CCDC158: variants seen among roughly 807,000 people sequenced by gnomAD.
CCDC158 encodes the protein coiled-coil domain containing 158.
A neutral mutation model predicts 138.6 loss-of-function variants in CCDC158; 116 were observed. The observed-to-expected ratio is 0.84, with a 90% CI of 0.72 to 0.98. CCDC158 has a LOEUF of 0.98. Ranked by LOEUF, CCDC158 falls within the 50% of genes least tolerant of loss-of-function variation. CCDC158 has a pLI of 0.00. For missense variants in CCDC158, 1,265 were observed against 1,306.1 expected (o/e 0.97, Z 0.48); for synonymous variants, 436 against 442.4 (o/e 0.99, Z 0.18).
intron 2 of CCDC158, 118 bp from the exon 3 acceptor site, chr4:76,403,398 ATAAT>A (rs570707368): frequency 6.3e-5 from 27 of 428,516 alleles, no homozygotes; most frequent in Non-Finnish European, 1.0e-4. Flanking sequence ...CTCCAGAAAA[ATAAT>A]TATTTATACA....
intron 3 of CCDC158, among the ~76,000 whole-genome samples, chr4:76,399,818 T>C (rs1029740135): frequency 2.0e-5 from 3 of 152,152 alleles, no homozygotes; most frequent in Non-Finnish European, 2.9e-5. Flanking sequence ...AGGCTGAAGA[T>C]ATGAATGAGC....
At chr4:76,416,313 G>A (rs554632898) in intron 1 of CCDC158, among the ~76,000 whole-genome samples, 8 of 152,166 alleles carry the variant, frequency 5.3e-5, no homozygotes, top group South Asian at 2.1e-4. Context: ...GGCCACTACC[G>A]GTCTCCGCGT....
At chr4:76,316,986 T>TTTTTTTTTTTTTTTTTTTTTGAGACG (rs1560774164) in intron 24 of CCDC158, among the ~76,000 whole-genome samples, 1 of 149,922 alleles carries the variant, frequency 6.7e-6, no homozygotes, top group African/African-American at 2.5e-5. Context: ...TTCTAAATCT[T>TTTTTTTTTTTTTTTTTTTTTGAGACG]GAAATAAAAC....
At chr4:76,345,291 A>C in intron 18 of CCDC158, 1 of 1,003,208 alleles carries the variant, frequency 1.0e-6, no homozygotes, top group Non-Finnish European at 1.6e-6. Context: ...CGAAGCTGCT[A>C]AGGATCTCTT....
chr4:76,410,633 C>T (rs28662906), intron 2 of CCDC158, among the ~76,000 whole-genome samples: 4,450 of 152,288 alleles, frequency 0.029, 212 homozygotes, highest in African/African-American at 0.1. Flanking sequence ...AACTGATCTA[C>T]ATTCTTCTAG....
chr4:76,346,910 C>T (rs1722604419), intron 18 of CCDC158, among the ~76,000 whole-genome samples: 1 of 151,968 alleles, frequency 6.6e-6, no homozygotes, highest in South Asian at 2.1e-4. Context: ...ATTTATGAGG[C>T]CAACCAACAT....
Position 76,371,324 on chromosome 4 carries a change from T to A in CCDC158, c.1149+93A>T, listed in dbSNP as rs1395511568. On this transcript the variant is annotated intron_variant, in intron 10 of 24. Coordinates refer to ENST00000682701, the MANE Select transcript of CCDC158 (RefSeq NM_001394954.1). ...ATGTATGCACAAATATTTTGTAAAT[T>A]TGTAATTTTATAAAGGAAACGAGTT... 8 of 1,264,580 alleles carry A rather than the reference T, an allele frequency of 6.3e-6. No individual in the cohort carries two copies. In the Admixed American group the frequency reaches 1.8e-4, roughly 28 times the overall value. The allele number at this position is 1,264,580 out of a possible 1,614,324, so 78.3% of individuals were successfully genotyped here.
chr4:76,421,228 G>A (rs1185182810), upstream of CCDC158, among the ~76,000 whole-genome samples: 1 of 152,094 alleles, frequency 6.6e-6, no homozygotes, highest in Non-Finnish European at 1.5e-5. Context: ...AGGACGCTCT[G>A]CGAGGCTTCG....
intron 4 of CCDC158, among the ~76,000 whole-genome samples, chr4:76,395,506 G>A (rs1218923792): frequency 6.6e-6 from 1 of 152,168 alleles, no homozygotes; most frequent in East Asian, 1.9e-4. Context: ...AGGCTTCAGA[G>A]AAGAAAATGC....
intron 18 of CCDC158, chr4:76,345,238 A>G: frequency 1.1e-6 from 1 of 935,350 alleles, no homozygotes; most frequent in South Asian, 1.3e-5. Context: ...TCAGATGAAG[A>G]TCTGAAGCTA....
At chr4:76,421,154 C>T (rs528056211), upstream of CCDC158, among the ~76,000 whole-genome samples, 1 of 152,128 alleles carries the variant, frequency 6.6e-6, no homozygotes, top group South Asian at 2.1e-4. Flanking sequence ...CCGCGCCCGT[C>T]ACTCCTCGCG....
chr4:76,351,838 T>C (rs1476816938), intron 16 of CCDC158, 26 bp from the exon 17 acceptor site: 1 of 1,412,130 alleles, frequency 7.1e-7, no homozygotes, highest in Non-Finnish European at 1.0e-6. Flanking sequence ...TCATAAATGG[T>C]TTATCTTGCA....
At chr4:76,396,665 C>G (rs1174963252) in intron 3 of CCDC158, among the ~76,000 whole-genome samples, 179 bp from the exon 4 acceptor site, 1 of 151,956 alleles carries the variant, frequency 6.6e-6, no homozygotes, top group Non-Finnish European at 1.5e-5. Context: ...AGCGTGCCAC[C>G]ATGCCGGGCT....
intron 18 of CCDC158, among the ~76,000 whole-genome samples, chr4:76,341,221 T>C (rs559723714): frequency 3.3e-5 from 5 of 152,302 alleles, no homozygotes; most frequent in African/African-American, 1.2e-4. Context: ...TCATCAGTCA[T>C]GATGTAAGAT....
At chr4:76,332,808 C>T (rs1721119073) in intron 19 of CCDC158, among the ~76,000 whole-genome samples, 1 of 152,176 alleles carries the variant, frequency 6.6e-6, no homozygotes, top group Non-Finnish European at 1.5e-5. Flanking sequence ...CAATAGCGTC[C>T]AAGCCCATCA....
chr4:76,382,802 A>G lies in CCDC158; in HGVS notation c.804-82T>C, dbSNP rs536107803. The G allele has an allele frequency of 2.5e-4, 228 of 897,174 alleles. 3 individuals carry two copies. The South Asian group carries it at 3.5e-3, about 14-fold the overall frequency. The allele number at this position is 897,174 out of a possible 1,614,324, so 55.6% of individuals were successfully genotyped here. A position where few individuals can be genotyped will look rare whatever the true frequency, so the allele number is the denominator to read the frequency against. On this transcript the variant is annotated intron_variant, in intron 7 of 24. Transcript: ENST00000682701. ...TTATTTTAAAAATTAATGATTTTCA[A>G]TACTCTCAAATTTAGTATTTTGCTT...
At chr4:76,383,808 A>T in intron 6 of CCDC158, 70 bp from the exon 7 acceptor site, 4 of 1,059,686 alleles carry the variant, frequency 3.8e-6, no homozygotes, top group East Asian at 2.4e-5. Flanking sequence ...GGAGATTTTC[A>T]ACTAAAGGAA....
At position 76,313,304 on chromosome 4, in the gene CCDC158, T is replaced by C. The variant is rs1348299659; in HGVS notation, c.3278-58A>G. 3.0e-6 allele frequency: 3 copies of C among 993,986 alleles called. No individual in the cohort carries two copies. The Admixed American group carries it at 6.4e-5, about 21-fold the overall frequency. The allele number at this position is 993,986 out of a possible 1,614,324, so 61.6% of individuals were successfully genotyped here. ...AAATCTACTTAGGCTTTAATTCTAC[T>C]ATGTGCTACTTAAAAGATCAGCTTG... On this transcript the variant is annotated intron_variant, in intron 24 of 24. Transcript: ENST00000682701.
At chr4:76,397,306 G>T (rs1727910765) in intron 3 of CCDC158, among the ~76,000 whole-genome samples, 1 of 152,084 alleles carries the variant, frequency 6.6e-6, no homozygotes, top group Non-Finnish European at 1.5e-5. Context: ...GGTGCAGATA[G>T]GGATGGGAGC....
Sources: allele counts gnomAD v4.1 joint callset (sites outside exome capture counted in the v4.1 genomes callset), GRCh38; gene constraint gnomAD v4.1.1; transcripts MANE v1.5; gene names NCBI Gene and HGNC (gene_info 2026-07-23, HGNC 2026-07-21).